Variants in KCNH5 observed in about 807,000 individuals in gnomAD.
The protein encoded by KCNH5 is potassium voltage-gated channel subfamily H member 5, also known as voltage-gated delayed rectifier potassium channel KCNH5.
A neutral mutation model predicts 96.1 loss-of-function variants in KCNH5; 46 were observed. The observed-to-expected ratio is 0.48, with a 90% confidence interval of 0.38 to 0.61. KCNH5 has a LOEUF of 0.61. Ranked by LOEUF, KCNH5 falls within the 20% of genes least tolerant of loss-of-function variation. KCNH5 has a pLI of 0.00. For missense variants in KCNH5, 907 were observed against 1,225.8 expected (o/e 0.74, Z 3.88); for synonymous variants, 439 against 449.8 (o/e 0.98, Z 0.30).
chr14:62,802,254 T>G lies in KCNH5; in HGVS notation c.1822+75A>C, dbSNP rs776658229. The G allele has an allele frequency of 6.0e-6, 9 of 1,497,292 alleles. No homozygotes were observed. In the South Asian group the frequency reaches 1.1e-4, roughly 19 times the overall value. The allele number at this position is 1,497,292 out of a possible 1,614,324, so 92.8% of individuals were successfully genotyped here. On this transcript the variant is annotated intron_variant, in intron 9 of 10. Coordinates refer to ENST00000322893, the MANE Select transcript of KCNH5 (RefSeq NM_139318.5). ...AGTTACCAAACAAAGGAAATTTCTC[T>G]TTAAAAATGCGAAAAGCAAAATATC...
intron 7 of KCNH5, among the ~76,000 whole-genome samples, chr14:62,896,130 T>G (rs1216524829): frequency 1.3e-5 from 2 of 152,162 alleles, no homozygotes; most frequent in Non-Finnish European, 2.9e-5. Flanking sequence ...AAAATTACTT[T>G]CCCTGATGGT....
At chr14:62,714,821 T>A (rs1884649278) in intron 10 of KCNH5, among the ~76,000 whole-genome samples, 1 of 152,196 alleles carries the variant, frequency 6.6e-6, no homozygotes, top group Non-Finnish European at 1.5e-5. Context: ...AGACCCTTTT[T>A]ACTTCATGTA....
At chr14:62,878,625 C>G (rs1248736484) in intron 7 of KCNH5, among the ~76,000 whole-genome samples, 1 of 151,994 alleles carries the variant, frequency 6.6e-6, no homozygotes, top group Non-Finnish European at 1.5e-5. Flanking sequence ...ATAAATAAAC[C>G]AGCAATCTAA....
chr14:62,987,495 T>C (rs1331202853), intron 4 of KCNH5, among the ~76,000 whole-genome samples: 1 of 152,212 alleles, frequency 6.6e-6, no homozygotes, highest in Non-Finnish European at 1.5e-5. Context: ...GCTTTCTTAC[T>C]GGGAAATAGC....
intron 7 of KCNH5, among the ~76,000 whole-genome samples, chr14:62,928,600 C>A (rs964584938): frequency 2.0e-4 from 30 of 152,018 alleles, no homozygotes; most frequent in Non-Finnish European, 2.9e-5. Context: ...AGAGCGTTTG[C>A]CCCCAAGATT....
chr14:62,990,922 A>G (rs2139579234), intron 4 of KCNH5, among the ~76,000 whole-genome samples: 1 of 152,158 alleles, frequency 6.6e-6, no homozygotes, highest in African/African-American at 2.4e-5. Flanking sequence ...TCCCCTTATA[A>G]AACCATCAGA....
At chr14:62,823,893 T>C (rs1473993896) in intron 8 of KCNH5, among the ~76,000 whole-genome samples, 1 of 152,074 alleles carries the variant, frequency 6.6e-6, no homozygotes, top group Admixed American at 6.6e-5. Context: ...TTTCCTCTTA[T>C]TTGTTATTTA....
intron 10 of KCNH5, among the ~76,000 whole-genome samples, chr14:62,710,722 T>C (rs948208835): frequency 2.0e-5 from 3 of 152,022 alleles, no homozygotes; most frequent in African/African-American, 7.3e-5. Context: ...TTTGGGAAAA[T>C]GGAACCGTTT....
In KCNH5 at chr14:62,950,569, A is replaced by T. The variant is rs756092089; in HGVS notation, c.943-10T>A. On this transcript the variant is annotated splice_polypyrimidine_tract_variant and intron_variant, in intron 6 of 10. Transcript: ENST00000322893. ...AGAGACTGCTGATTCCCTGGATTTA[A>T]AAAAAAAAAAAAAATTACACCACAT... is the stretch of plus-strand genomic sequence containing the variant. The T allele has an allele frequency of 1.5e-5, 11 of 743,934 alleles. No homozygotes were observed. The highest frequency in any genetic ancestry group is 1.1e-4 in the East Asian group (2 of 18,536). The allele number at this position is 743,934 out of a possible 1,614,324, so 46.1% of individuals were successfully genotyped here. A position where few individuals can be genotyped will look rare whatever the true frequency, so the allele number is the denominator to read the frequency against.
chr14:62,984,417 G>C (rs1220444846), intron 5 of KCNH5, among the ~76,000 whole-genome samples: 33 of 152,140 alleles, frequency 2.2e-4, no homozygotes, highest in Admixed American at 1.8e-3. Flanking sequence ...AAATTTGGGG[G>C]ATCAGGTAGA....
chr14:62,712,639 G>C (rs775062283), intron 10 of KCNH5: 7 of 771,186 alleles, frequency 9.1e-6, no homozygotes, highest in Non-Finnish European at 1.7e-5. Flanking sequence ...TAGATGAATG[G>C]GTGAAGTAGG....
chr14:62,731,166 T>A (rs1885041274), intron 10 of KCNH5, among the ~76,000 whole-genome samples: 1 of 151,890 alleles, frequency 6.6e-6, no homozygotes, highest in Admixed American at 6.6e-5. Context: ...CTGGGCATGG[T>A]GGTGGGTGCC....
At chr14:62,841,010 T>TAC in intron 8 of KCNH5, among the ~76,000 whole-genome samples, 2 of 152,176 alleles carry the variant, frequency 1.3e-5, no homozygotes, top group South Asian at 4.2e-4. Flanking sequence ...AAAGTGGATT[T>TAC]TCAGTACTGA....
intron 9 of KCNH5, among the ~76,000 whole-genome samples, chr14:62,796,964 G>C (rs912708388): frequency 6.6e-6 from 1 of 152,108 alleles, no homozygotes; most frequent in Non-Finnish European, 1.5e-5. Context: ...AATCAGATAT[G>C]CATCTATCTT....
chr14:62,774,914 C>T (rs1362657345), intron 10 of KCNH5, among the ~76,000 whole-genome samples: 2 of 152,124 alleles, frequency 1.3e-5, no homozygotes, highest in African/African-American at 2.4e-5. Context: ...GTGGACCTCT[C>T]CTTAAAAGAA....
intron 7 of KCNH5, among the ~76,000 whole-genome samples, chr14:62,898,300 T>G (rs1219944065): frequency 6.6e-6 from 1 of 152,158 alleles, no homozygotes; most frequent in Non-Finnish European, 1.5e-5. Context: ...AGAGAATGAA[T>G]AGATTTTGTT....
At chr14:62,889,901 C>G (rs1175341733) in intron 7 of KCNH5, among the ~76,000 whole-genome samples, 1 of 152,098 alleles carries the variant, frequency 6.6e-6, no homozygotes, top group Admixed American at 6.5e-5. Flanking sequence ...AGACGAAGTT[C>G]ATAAACATGT....
At chr14:62,957,941 A>C (rs1326187435) in intron 6 of KCNH5, among the ~76,000 whole-genome samples, 2 of 152,228 alleles carry the variant, frequency 1.3e-5, no homozygotes, top group Non-Finnish European at 2.9e-5. Flanking sequence ...GGTGGATATT[A>C]TCTATAAAGC....
intron 6 of KCNH5, among the ~76,000 whole-genome samples, chr14:62,963,097 A>T (rs964426739): frequency 6.6e-6 from 1 of 152,104 alleles, no homozygotes; most frequent in Non-Finnish European, 1.5e-5. Flanking sequence ...ATCTCACATC[A>T]TCGTAAGAAA....
Sources: allele counts gnomAD v4.1 joint callset (sites outside exome capture counted in the v4.1 genomes callset), GRCh38; gene constraint gnomAD v4.1.1; transcripts MANE v1.5; gene names NCBI Gene and HGNC (gene_info 2026-07-23, HGNC 2026-07-21).